Variants in PATJ observed in about 807,000 individuals in gnomAD.
PATJ encodes the protein PATJ crumbs cell polarity complex component.
A neutral mutation model predicts 224.9 loss-of-function variants in PATJ; 190 were observed. That is an observed-to-expected ratio of 0.84 (90% confidence interval 0.75 to 0.95). The LOEUF is 0.95. Among genes scored for constraint, PATJ ranks in the 40% least tolerant of loss-of-function variants. The pLI, the probability that PATJ is intolerant of heterozygous loss-of-function variation, is 0.00. For missense variants in PATJ, 2,121 were observed against 2,270.3 expected (o/e 0.93, Z 1.34); for synonymous variants, 769 against 820.3 (o/e 0.94, Z 1.07).
chr1:62,027,628 C>CTTTT (rs57019359), intron 29 of PATJ, among the ~76,000 whole-genome samples: 38 of 109,836 alleles, frequency 3.5e-4, no homozygotes, highest in South Asian at 1.2e-3. Flanking sequence ...GCCAACATTC[C>CTTTT]TTTTTTTTTT....
chr1:61,861,624 C>A lies in PATJ; in HGVS notation c.2396C>A (p.Thr799Lys). 1 of 1,482,902 alleles carries A rather than the reference C, an allele frequency of 6.7e-7. No individual in the cohort carries two copies. Among genetic ancestry groups the A allele is most frequent in the Middle Eastern group, 1.7e-4 (1 of 5,744 alleles). 91.9% of individuals were successfully genotyped at this position (1,482,902 alleles called of 1,614,324 possible). Residue 799 changes from threonine (T) to lysine (K), a missense_variant, in exon 19 of 44, where the codon ACA (threonine) becomes AAA (lysine). Thr to Lys is a moderately conservative substitution (Grantham distance 78). Transcript: ENST00000642238. ...SNEDKTEFSGTIHDINSSLIL... is the reference protein window; with the variant it reads ...SNEDKTEFSGKIHDINSSLIL... Reference sequence around the variant, plus strand: ...GAAGACAAGACTGAATTTTCAGGAACAATTCATGATATAAATTCATCTTTA... The same window carrying A: ...GAAGACAAGACTGAATTTTCAGGAAAAATTCATGATATAAATTCATCTTTA...
chr1:61,797,685 T>C (rs548304235), intron 11 of PATJ, among the ~76,000 whole-genome samples: 2 of 152,380 alleles, frequency 1.3e-5, no homozygotes, highest in East Asian at 3.9e-4. Context: ...AAAATCATTT[T>C]TTCTAAAAGC....
chr1:61,966,108 GC>G (rs944434714), intron 27 of PATJ, among the ~76,000 whole-genome samples: 24 of 152,046 alleles, frequency 1.6e-4, no homozygotes, highest in African/African-American at 5.3e-4. Flanking sequence ...TACCATGTTG[GC>G]CAGGCTGTTC....
intron 19 of PATJ, among the ~76,000 whole-genome samples, chr1:61,863,027 GTTTTTTTTTTTTTTTT>G (rs35033086): frequency 1.3e-5 from 1 of 79,996 alleles, no homozygotes; most frequent in Non-Finnish European, 2.5e-5. Flanking sequence ...ACTGTTTTCA[GTTTTTTTTTTTTTTTT>G]TTTTTTTTTT....
chr1:61,963,056 C>T (rs78674052), intron 27 of PATJ, among the ~76,000 whole-genome samples: 3,749 of 152,282 alleles, frequency 0.025, 146 homozygotes, highest in African/African-American at 0.085. Flanking sequence ...TCTGTACAGA[C>T]ATATGCCCAG....
chr1:61,779,396 G>C (rs1329653969), intron 7 of PATJ, among the ~76,000 whole-genome samples: 2 of 152,180 alleles, frequency 1.3e-5, no homozygotes, highest in African/African-American at 4.8e-5. Context: ...TTCTTCTCTA[G>C]GAAAGCTCAG....
rs986101602 is a variant in PATJ at position 61,894,262 on chromosome 1, A to C, written c.3132-5321A>C. ...AGAGCGAAACTCTATCTCATAAAAA[A>C]AAAAAAACACAAAAAAAAAACAGAG... On this transcript the variant is annotated intron_variant, in intron 22 of 43. Transcript: ENST00000642238. Among the ~76,000 whole-genome samples the C allele has an allele frequency of 1.2e-3, 170 of 138,354 alleles. 1 individual carries two copies. Among genetic ancestry groups the C allele is most frequent in the East Asian group, 4.7e-3 (22 of 4,658 alleles). 90.8% of individuals were successfully genotyped at this position (138,354 alleles called of 152,430 possible).
At chr1:61,750,432 G>C (rs1645255629) in intron 1 of PATJ, among the ~76,000 whole-genome samples, 1 of 136,176 alleles carries the variant, frequency 7.3e-6, no homozygotes, top group South Asian at 2.3e-4. Flanking sequence ...TTATTTTCTG[G>C]AGCTTTTTTT....
At chr1:62,093,340 C>T (rs143856049) in intron 33 of PATJ, among the ~76,000 whole-genome samples, 1 of 152,258 alleles carries the variant, frequency 6.6e-6, no homozygotes, top group Non-Finnish European at 1.5e-5. Flanking sequence ...ATAATTTAAA[C>T]GTAGGACTAC....
rs747065507 is a variant in PATJ at position 62,071,490 on chromosome 1, C to CTTTT, written c.4126-7943_4126-7940dup. On this transcript the variant is annotated intron_variant, in intron 31 of 43. Coordinates refer to ENST00000642238, the MANE Select transcript of PATJ (RefSeq NM_001350145.3). Reference sequence around the variant, plus strand: ...ATAACCTGTTCAGGTTTGTAGATCACTTTTTTTTTTTTTTTTTTTTGAGAC... The same window carrying CTTTT: ...ATAACCTGTTCAGGTTTGTAGATCACTTTTTTTTTTTTTTTTTTTTTTTTGAGAC... Among the ~76,000 whole-genome samples, 69 of 117,738 alleles carry CTTTT rather than the reference C, an allele frequency of 5.9e-4. 1 individual carries two copies. The highest frequency in any genetic ancestry group is 5.1e-3 in the Middle Eastern group (1 of 198). 77.2% of individuals were successfully genotyped at this position (117,738 alleles called of 152,430 possible).
At chr1:61,936,254 T>A (rs1267980655) in intron 27 of PATJ, among the ~76,000 whole-genome samples, 2 of 151,078 alleles carry the variant, frequency 1.3e-5, no homozygotes, top group African/African-American at 2.4e-5. Flanking sequence ...TTTAATTTTT[T>A]AAAAAGTAAT....
Position 62,121,212 on chromosome 1 carries a change from A to T in PATJ, c.4922A>T (p.His1641Leu). The change falls in exon 38 of 44, where the codon CAT (histidine) becomes CTT (leucine). Residue 1641 changes from histidine to leucine, a missense_variant. Coordinates refer to ENST00000642238, the MANE Select transcript of PATJ (RefSeq NM_001350145.3). ...CAGCAGAGTGCACACAGCAGCTGTCATCCCTCCTTCGCTCCTGTCATCACT... is the reference window on the plus strand; with the variant it reads ...CAGCAGAGTGCACACAGCAGCTGTCTTCCCTCCTTCGCTCCTGTCATCACT... Reference protein sequence around the residue: ...GSQQSAHSSCHPSFAPVITGL... With the variant: ...GSQQSAHSSCLPSFAPVITGL... The T allele has an allele frequency of 6.2e-7, 1 of 1,613,956 alleles. No individual in the cohort carries two copies. The highest frequency in any genetic ancestry group is 2.2e-5 in the East Asian group (1 of 44,874).
intron 30 of PATJ, among the ~76,000 whole-genome samples, chr1:62,041,239 A>C (rs969514362): frequency 1.3e-5 from 2 of 152,126 alleles, no homozygotes; most frequent in African/African-American, 2.4e-5. Flanking sequence ...ATTCAGAGGG[A>C]GGGGGATACC....
intron 41 of PATJ, among the ~76,000 whole-genome samples, chr1:62,139,063 T>C (rs1667226587): frequency 6.6e-6 from 1 of 152,076 alleles, no homozygotes; most frequent in East Asian, 1.9e-4. Flanking sequence ...TCTCAGAACC[T>C]TTCGCAGAAG....
intron 28 of PATJ, chr1:61,991,456 T>C (rs566981269): frequency 2.0e-6 from 2 of 979,726 alleles, no homozygotes; most frequent in South Asian, 9.4e-5. Flanking sequence ...GCTTACTGAT[T>C]TTGCATTTTA....
intron 27 of PATJ, among the ~76,000 whole-genome samples, chr1:61,955,790 G>A (rs962680325): frequency 1.3e-5 from 2 of 152,134 alleles, no homozygotes; most frequent in African/African-American, 4.8e-5. Context: ...TACAAAGCCT[G>A]TACTTTTAAG....
chr1:62,046,823 T>G (rs1228423772), intron 30 of PATJ, among the ~76,000 whole-genome samples: 1 of 152,210 alleles, frequency 6.6e-6, no homozygotes, highest in Non-Finnish European at 1.5e-5. Flanking sequence ...CATTTGATCC[T>G]CTAGTTTCTA....
chr1:61,873,866 G>C (rs1234825414), intron 20 of PATJ, among the ~76,000 whole-genome samples: 1 of 152,212 alleles, frequency 6.6e-6, no homozygotes, highest in Admixed American at 6.5e-5. Context: ...GTCTTATGCA[G>C]GGGAGGAGCC....
At chr1:62,002,709 C>CAAA (rs766357883) in intron 28 of PATJ, among the ~76,000 whole-genome samples, 10 of 112,784 alleles carry the variant, frequency 8.9e-5, no homozygotes, top group South Asian at 2.9e-4. Flanking sequence ...AACTCTGTCT[C>CAAA]AAAAAAAAAA....
Sources: allele counts gnomAD v4.1 joint callset (sites outside exome capture counted in the v4.1 genomes callset), GRCh38; gene constraint gnomAD v4.1.1; transcripts MANE v1.5; gene names NCBI Gene and HGNC (gene_info 2026-07-23, HGNC 2026-07-21).